The following ST8SIA1 variants were observed in gnomAD, a reference collection of about 807,000 sequenced individuals.
ST8SIA1 encodes the protein alpha-N-acetylneuraminide alpha-2,8-sialyltransferase.
In ST8SIA1, 16 loss-of-function variants were observed where a neutral mutation model predicts 35.9. The observed-to-expected ratio is 0.45, with a 90% CI of 0.30 to 0.68. ST8SIA1 has a LOEUF of 0.68. Ranked by LOEUF, ST8SIA1 falls within the 30% of genes least tolerant of loss-of-function variation. ST8SIA1 has a pLI of 0.09. For missense variants in ST8SIA1, 383 were observed against 453.6 expected (o/e 0.84, Z 1.41); for synonymous variants, 170 against 169.6 (o/e 1.00, Z -0.02).
In ST8SIA1 at chr12:22,255,404, C is replaced by CA; in HGVS notation, c.382-16dup. The CA allele has an allele frequency of 1.2e-6, 2 of 1,610,564 alleles. No homozygotes were observed. Among genetic ancestry groups the CA allele is most frequent in the South Asian group, 2.2e-5 (2 of 91,020 alleles). On this transcript the variant is annotated splice_polypyrimidine_tract_variant and intron_variant, in intron 2 of 4. Transcript: ENST00000396037. ...AATGGGGTTGCCTAGCAACAGAAAA[C>CA]AAGGCGGGTTTTCACTGCAAAGAAC... is the stretch of plus-strand genomic sequence containing the variant.
At chr12:22,222,620 A>G (rs2193176) in intron 4 of ST8SIA1, among the ~76,000 whole-genome samples, 31,819 of 151,722 alleles carry the variant, frequency 0.21, 3,657 homozygotes, top group South Asian at 0.33. Flanking sequence ...GACCATATAT[A>G]TATATATACA....
chr12:22,254,528 C>T (rs1392064657), intron 3 of ST8SIA1, among the ~76,000 whole-genome samples: 4 of 152,184 alleles, frequency 2.6e-5, no homozygotes, highest in Admixed American at 6.5e-5. Flanking sequence ...TTCCCTCTCA[C>T]CCAGATAATC....
chr12:22,218,575 G>A (rs942370804), intron 4 of ST8SIA1, among the ~76,000 whole-genome samples: 2 of 149,292 alleles, frequency 1.3e-5, no homozygotes, highest in African/African-American at 4.9e-5. Context: ...CCGAGATCAT[G>A]CCATTGCACT....
chr12:22,295,406 T>G (rs1186662226), intron 1 of ST8SIA1, among the ~76,000 whole-genome samples: 1 of 152,068 alleles, frequency 6.6e-6, no homozygotes, highest in African/African-American at 2.4e-5. Flanking sequence ...ATGGGAGCCC[T>G]CATAAGAAAA....
intron 4 of ST8SIA1, among the ~76,000 whole-genome samples, chr12:22,215,066 T>A (rs533434637): frequency 6.6e-6 from 1 of 152,212 alleles, no homozygotes; most frequent in Non-Finnish European, 1.5e-5. Flanking sequence ...CTTCTCACCT[T>A]CTGCAGGACC....
chr12:22,306,085 T>A (rs546769955), intron 1 of ST8SIA1, among the ~76,000 whole-genome samples: 20 of 152,310 alleles, frequency 1.3e-4, no homozygotes, highest in Admixed American at 1.2e-3. Flanking sequence ...TCTTTTTCAC[T>A]GTCTTTCACC....
At chr12:22,214,803 T>C (rs1865217899) in intron 4 of ST8SIA1, among the ~76,000 whole-genome samples, 1 of 152,202 alleles carries the variant, frequency 6.6e-6, no homozygotes, top group African/African-American at 2.4e-5. Context: ...GCTTAATGCA[T>C]GTCATGTCAT....
At chr12:22,305,679 C>T (rs1866375673) in intron 1 of ST8SIA1, among the ~76,000 whole-genome samples, 1 of 152,160 alleles carries the variant, frequency 6.6e-6, no homozygotes, top group South Asian at 2.1e-4. Flanking sequence ...CCATGCCCAG[C>T]CTAGCATACA....
chr12:22,276,898 TGTATCTGCAAGACTTGTACC>T (rs1394533727), intron 2 of ST8SIA1, among the ~76,000 whole-genome samples: 1 of 151,824 alleles, frequency 6.6e-6, no homozygotes, highest in African/African-American at 2.4e-5. Context: ...GTCATTCAAC[TGTATCTGCAAGACTTGTACC>T]TGAGTCACCC....
In ST8SIA1 at chr12:22,198,005, T is replaced by C. The variant is rs1278634066; in HGVS notation, c.*3547A>G. ...GTGAGTCATTGTCCATATAAAAATC[T>C]TTCATATAAACATTACTTTTCTTAA... On this transcript the variant is annotated 3_prime_UTR_variant, in exon 5 of 5. Coordinates refer to ENST00000396037, the MANE Select transcript of ST8SIA1 (RefSeq NM_003034.4). 1 of 152,188 alleles carries C rather than the reference T, an allele frequency of 6.6e-6. No homozygotes were observed. Among genetic ancestry groups the C allele is most frequent in the Non-Finnish European group, 1.5e-5 (1 of 68,032 alleles). 9.4% of individuals were successfully genotyped at this position (152,188 alleles called of 1,614,324 possible). A position where few individuals can be genotyped will look rare whatever the true frequency, so the allele number is the denominator to read the frequency against.
intron 1 of ST8SIA1, among the ~76,000 whole-genome samples, chr12:22,292,335 C>G (rs1480144731): frequency 6.6e-6 from 1 of 152,114 alleles, no homozygotes; most frequent in African/African-American, 2.4e-5. Flanking sequence ...TATTTATATG[C>G]TATATATTTA....
chr12:22,242,121 T>C (rs1287636053), intron 4 of ST8SIA1, among the ~76,000 whole-genome samples: 1 of 152,118 alleles, frequency 6.6e-6, no homozygotes, highest in Admixed American at 6.6e-5. Flanking sequence ...ATACATACCT[T>C]CTGAGGGAAT....
intron 3 of ST8SIA1, among the ~76,000 whole-genome samples, chr12:22,252,667 C>T (rs564042046): frequency 5.3e-5 from 8 of 152,298 alleles, no homozygotes; most frequent in East Asian, 1.9e-4. Context: ...TAATCAGAAG[C>T]GTTCATTAAT....
chr12:22,240,972 C>T (rs1412247024), intron 4 of ST8SIA1, among the ~76,000 whole-genome samples: 3 of 142,630 alleles, frequency 2.1e-5, no homozygotes, highest in Non-Finnish European at 4.5e-5. Context: ...CTAGTTCATG[C>T]CAACTCTTTT....
chr12:22,324,717 T>C (rs1438213244), intron 1 of ST8SIA1: 1 of 152,148 alleles, frequency 6.6e-6, no homozygotes, highest in Non-Finnish European at 1.5e-5. Flanking sequence ...ACAGTACAGA[T>C]CTTTAAAGAG....
chr12:22,218,612 A>AAAATGAATAAATAAATAAATAAATAAAT (rs1865261307), intron 4 of ST8SIA1, among the ~76,000 whole-genome samples: 1 of 139,274 alleles, frequency 7.2e-6, no homozygotes, highest in Non-Finnish European at 1.5e-5. Flanking sequence ...AGCGAGACTC[A>AAAATGAATAAATAAATAAATAAATAAAT]AAATAAATAA....
At chr12:22,222,531 T>C (rs930748542) in intron 4 of ST8SIA1, among the ~76,000 whole-genome samples, 1 of 152,090 alleles carries the variant, frequency 6.6e-6, no homozygotes, top group Admixed American at 6.6e-5. Flanking sequence ...TCATTCAAAA[T>C]ACCAATAATA....
intron 3 of ST8SIA1, among the ~76,000 whole-genome samples, chr12:22,250,084 T>C (rs1359721586): frequency 6.6e-6 from 1 of 152,134 alleles, no homozygotes; most frequent in Non-Finnish European, 1.5e-5. Flanking sequence ...TCCCTGGTGA[T>C]GGGAACAGCC....
At chr12:22,232,796 G>A (rs11046346) in intron 4 of ST8SIA1, among the ~76,000 whole-genome samples, 55,396 of 151,720 alleles carry the variant, frequency 0.37, 11,004 homozygotes, top group East Asian at 0.62. Context: ...CCAAGATCTC[G>A]CCACTGCACT....
Sources: gnomAD v4.1 joint callset for allele counts (sites outside exome capture counted in the v4.1 genomes callset) on GRCh38, gnomAD v4.1.1 for gene constraint, MANE v1.5 for transcripts, NCBI Gene and HGNC (gene_info 2026-07-23, HGNC 2026-07-21) for gene names.